CHRM5: variants seen among roughly 807,000 people sequenced by gnomAD.
CHRM5 encodes cholinergic receptor muscarinic 5, also known as muscarinic acetylcholine receptor M5.
A neutral mutation model predicts 39.0 loss-of-function variants in CHRM5; 18 were observed. That is an observed-to-expected ratio of 0.46 (90% confidence interval 0.32 to 0.68). CHRM5 has a LOEUF of 0.68. Among genes scored for constraint, CHRM5 ranks in the 30% least tolerant of loss-of-function variants. The pLI is 0.04. For synonymous variants in CHRM5, 241 were observed against 246.3 expected, an observed-to-expected ratio of 0.98 and a Z score of 0.20; for missense variants, 515 against 651.1, an observed-to-expected ratio of 0.79 and a Z score of 2.28.
intron 2 of CHRM5, among the ~76,000 whole-genome samples, chr15:34,057,960 T>C (rs570550084): frequency 2.4e-4 from 36 of 152,154 alleles, no homozygotes; most frequent in African/African-American, 6.3e-4. Context: ...GAGAGAGAGA[T>C]TTATTTTTAT....
At chr15:33,993,835 A>T (rs1056690966) in intron 1 of CHRM5, among the ~76,000 whole-genome samples, 31 of 4,422 alleles carry the variant, frequency 7.0e-3, no homozygotes, top group African/African-American at 0.011. Context: ...TCCTTAAAAA[A>T]TAGGGTTTTT....
At chr15:34,053,940 G>GATGGAT (rs1317191335) in intron 2 of CHRM5, among the ~76,000 whole-genome samples, 4 of 151,934 alleles carry the variant, frequency 2.6e-5, no homozygotes, top group Non-Finnish European at 5.9e-5. Flanking sequence ...CTGACAAAGG[G>GATGGAT]CTAATATCCA....
intron 1 of CHRM5, among the ~76,000 whole-genome samples, chr15:34,017,425 C>A (rs574435666): frequency 6.6e-6 from 1 of 151,802 alleles, no homozygotes; most frequent in Non-Finnish European, 1.5e-5. Flanking sequence ...CACATAACTA[C>A]CCATTCTCGT....
intron 1 of CHRM5, among the ~76,000 whole-genome samples, chr15:34,035,774 G>A (rs1317765217): frequency 7.3e-6 from 1 of 136,180 alleles, no homozygotes; most frequent in African/African-American, 2.4e-5. Context: ...GCAGTGATAG[G>A]GGGATTATTT....
chr15:34,008,945 TGC>T (rs71119911), intron 1 of CHRM5, among the ~76,000 whole-genome samples: 10,632 of 148,922 alleles, frequency 0.071, 431 homozygotes, highest in Non-Finnish European at 0.08. Context: ...CACTCACACG[TGC>T]GCGCGCGCAC....
chr15:34,033,453 C>T (rs1183285705), intron 1 of CHRM5, among the ~76,000 whole-genome samples: 1 of 151,768 alleles, frequency 6.6e-6, no homozygotes, highest in African/African-American at 2.4e-5. Context: ...TTGCAGTGAG[C>T]CGAGATCGTG....
At chr15:34,000,679 C>T (rs1300173376) in intron 1 of CHRM5, among the ~76,000 whole-genome samples, 1 of 152,122 alleles carries the variant, frequency 6.6e-6, no homozygotes, top group Non-Finnish European at 1.5e-5. Flanking sequence ...TGAAGTTGAC[C>T]TCTCGAAAGT....
intron 2 of CHRM5, among the ~76,000 whole-genome samples, chr15:34,057,142 G>GATT (rs1900186256): frequency 6.7e-6 from 1 of 148,772 alleles, no homozygotes; most frequent in Non-Finnish European, 1.5e-5. Context: ...GTTTTTTTTG[G>GATT]TTTTTTTTTT....
intron 1 of CHRM5, among the ~76,000 whole-genome samples, chr15:34,029,808 A>T (rs994545183): frequency 3.3e-5 from 5 of 152,342 alleles, no homozygotes; most frequent in African/African-American, 1.2e-4. Flanking sequence ...TAATAATATA[A>T]GACTAATCTT....
chr15:34,039,465 A>G (rs916968686), intron 1 of CHRM5, among the ~76,000 whole-genome samples: 1 of 152,250 alleles, frequency 6.6e-6, no homozygotes, highest in Non-Finnish European at 1.5e-5. Context: ...AAACAAATAC[A>G]TACTAAAATG....
At chr15:34,038,108 T>C (rs1194368793) in intron 1 of CHRM5, among the ~76,000 whole-genome samples, 2 of 152,304 alleles carry the variant, frequency 1.3e-5, no homozygotes, top group South Asian at 2.1e-4. Flanking sequence ...AACTCAGAAC[T>C]TGACTGCTCA....
intron 1 of CHRM5, among the ~76,000 whole-genome samples, chr15:33,990,263 T>C (rs1896663770): frequency 6.6e-6 from 1 of 151,748 alleles, no homozygotes; most frequent in Non-Finnish European, 1.5e-5. Flanking sequence ...GTGCCTATAG[T>C]CCCAGCTACT....
At chr15:34,056,852 G>A (rs946476004) in intron 2 of CHRM5, among the ~76,000 whole-genome samples, 7 of 152,102 alleles carry the variant, frequency 4.6e-5, no homozygotes, top group East Asian at 1.9e-4. Context: ...GCAACATAGC[G>A]AGACCCTATC....
intron 1 of CHRM5, among the ~76,000 whole-genome samples, chr15:33,996,883 G>A (rs1024180586): frequency 3.9e-5 from 6 of 152,142 alleles, no homozygotes; most frequent in African/African-American, 7.2e-5. Flanking sequence ...AGTAGGCTTC[G>A]GAAGGCTGGT....
chr15:33,981,085 C>T (rs1439629059), intron 1 of CHRM5, among the ~76,000 whole-genome samples: 3 of 53,494 alleles, frequency 5.6e-5, no homozygotes, highest in Admixed American at 2.6e-4. Flanking sequence ...GATTCCAAGA[C>T]TCCCCAGTTT....
At chr15:33,974,490 T>C (rs1895785893) in intron 1 of CHRM5, among the ~76,000 whole-genome samples, 1 of 152,236 alleles carries the variant, frequency 6.6e-6, no homozygotes, top group African/African-American at 2.4e-5. Context: ...GACTATGCTG[T>C]GCCTCAACCC....
chr15:34,061,003 G>C (rs1203536298), intron 2 of CHRM5, among the ~76,000 whole-genome samples: 3 of 149,452 alleles, frequency 2.0e-5, no homozygotes, highest in Non-Finnish European at 3.0e-5. Flanking sequence ...GCAACAGAGC[G>C]AGACTCCGTC....
chr15:34,043,059 A>G (rs1050687950), intron 1 of CHRM5, among the ~76,000 whole-genome samples: 9 of 152,036 alleles, frequency 5.9e-5, no homozygotes, highest in Admixed American at 1.3e-4. Flanking sequence ...CATCCTGGCT[A>G]ACACAGTGAA....
intron 1 of CHRM5, among the ~76,000 whole-genome samples, chr15:34,001,233 G>A (rs1897126988): frequency 6.6e-6 from 1 of 151,800 alleles, no homozygotes; most frequent in African/African-American, 2.4e-5. Flanking sequence ...TGTTGGCCAG[G>A]ATGGTCTCGA....
Sources: gnomAD v4.1 joint callset for allele counts (sites outside exome capture counted in the v4.1 genomes callset) on GRCh38, gnomAD v4.1.1 for gene constraint, MANE v1.5 for transcripts, NCBI Gene and HGNC (gene_info 2026-07-23, HGNC 2026-07-21) for gene names.